The following PHKB variants were observed in gnomAD, a reference collection of about 807,000 sequenced individuals.
PHKB encodes the protein phosphorylase kinase regulatory subunit beta, also known as phosphorylase b kinase regulatory subunit beta.
In PHKB, 122 loss-of-function variants were observed where a neutral mutation model predicts 152.1. The ratio of observed to expected loss-of-function variants is 0.80; its 90% CI spans 0.69 to 0.93. The LOEUF is 0.93. PHKB is among the 40% of genes least tolerant of loss of function. PHKB has a pLI of 0.00. For synonymous variants in PHKB, 436 were observed against 464.9 expected (o/e 0.94, Z 0.80); for missense variants, 1,304 against 1,328.4 (o/e 0.98, Z 0.29).
intron 1 of PHKB, among the ~76,000 whole-genome samples, chr16:47,492,638 G>A (rs1970169335): frequency 6.6e-6 from 1 of 152,162 alleles, no homozygotes; most frequent in Admixed American, 6.5e-5. Context: ...GCAGGGAGGG[G>A]AGGGTGGCGG....
chr16:47,576,172 T>C (rs1971746497), intron 7 of PHKB, among the ~76,000 whole-genome samples: 1 of 152,192 alleles, frequency 6.6e-6, no homozygotes, highest in South Asian at 2.1e-4. Flanking sequence ...TTGTGCCCCT[T>C]AAATTTTTAT....
intron 6 of PHKB, among the ~76,000 whole-genome samples, chr16:47,522,941 A>G (rs993317049): frequency 4.2e-5 from 6 of 144,304 alleles, no homozygotes; most frequent in Non-Finnish European, 7.6e-5. Flanking sequence ...GGTTATTCAC[A>G]TTATTGCCTT....
intron 10 of PHKB, among the ~76,000 whole-genome samples, chr16:47,592,008 A>G (rs1258534354): frequency 1.3e-5 from 2 of 152,168 alleles, no homozygotes; most frequent in Non-Finnish European, 2.9e-5. Context: ...TTATCACAAT[A>G]TAGTAGGTAC....
At chr16:47,504,971 A>G (rs1597037712) in intron 4 of PHKB, among the ~76,000 whole-genome samples, 1 of 152,236 alleles carries the variant, frequency 6.6e-6, no homozygotes, top group Admixed American at 6.5e-5. Context: ...GGAGGAAACT[A>G]GTGGAAGTCC....
chr16:47,511,734 G>A lies in PHKB; in HGVS notation c.475G>A (p.Asp159Asn). ...LHSVFNVHTG[D>N]ELLSYEEYGH... ...CTCTGTTTTCAATGTGCATACAGGAGATGAGTTGCTTTCCTATGAGGAATA... is the reference window on the plus strand; with the variant it reads ...CTCTGTTTTCAATGTGCATACAGGAAATGAGTTGCTTTCCTATGAGGAATA... The change falls in exon 5 of 31, where the codon GAT (aspartate) becomes AAT (asparagine). Residue 159 changes from aspartate to asparagine, a missense_variant. By Grantham distance (23) the Asp-to-Asn change is conservative. Transcript: ENST00000323584. The A allele has an allele frequency of 6.2e-7, 1 of 1,611,322 alleles. No individual in the cohort carries two copies. The highest frequency in any genetic ancestry group is 1.1e-5 in the South Asian group (1 of 91,020).
At chr16:47,548,433 C>A (rs868748188) in intron 7 of PHKB, among the ~76,000 whole-genome samples, 2 of 151,676 alleles carry the variant, frequency 1.3e-5, no homozygotes, top group African/African-American at 4.9e-5. Context: ...ATGGTGAAAC[C>A]CTGTCTTTAC....
At chr16:47,544,114 T>G (rs916541207) in intron 6 of PHKB, among the ~76,000 whole-genome samples, 1 of 152,180 alleles carries the variant, frequency 6.6e-6, no homozygotes, top group African/African-American at 2.4e-5. Flanking sequence ...CTTAGTTATT[T>G]ATTGCCTTCT....
chr16:47,681,861 T>A (rs983763304), intron 26 of PHKB, among the ~76,000 whole-genome samples: 18 of 152,206 alleles, frequency 1.2e-4, no homozygotes, highest in Non-Finnish European at 2.6e-4. Flanking sequence ...GTTTCTTCCT[T>A]GCCTTGATGG....
At chr16:47,518,281 C>G (rs757864642) in intron 6 of PHKB, among the ~76,000 whole-genome samples, 2 of 152,230 alleles carry the variant, frequency 1.3e-5, no homozygotes, top group Non-Finnish European at 2.9e-5. Flanking sequence ...CACACACACA[C>G]ACATACACAT....
chr16:47,576,284 G>A (rs1971748304), intron 7 of PHKB, among the ~76,000 whole-genome samples: 1 of 152,098 alleles, frequency 6.6e-6, no homozygotes, highest in Admixed American at 6.5e-5. Context: ...TTTGTTTGAT[G>A]CATTTTCTGC....
In PHKB at chr16:47,586,874, T is replaced by G. The variant is rs181708420; in HGVS notation, c.775-794T>G. On this transcript the variant is annotated intron_variant, in intron 8 of 30. Coordinates refer to ENST00000323584, the MANE Select transcript of PHKB (RefSeq NM_000293.3). ...TAGCAGATAGATTAAGATTTTCTGT[T>G]ACACCTATTTGTTTCATTCAAGCTT... is the stretch of plus-strand genomic sequence containing the variant. Among the ~76,000 whole-genome samples, 5 of 152,304 alleles carry G rather than the reference T, an allele frequency of 3.3e-5. No individual in the cohort carries two copies. In the East Asian group the frequency reaches 9.6e-4, roughly 29 times the overall value.
chr16:47,586,128 C>T (rs1971931076), intron 8 of PHKB, among the ~76,000 whole-genome samples: 1 of 152,170 alleles, frequency 6.6e-6, no homozygotes, highest in South Asian at 2.1e-4. Flanking sequence ...TCCCTGGGGA[C>T]TTGTTTTATA....
intron 16 of PHKB, among the ~76,000 whole-genome samples, chr16:47,643,262 CAT>C (rs1310693549): frequency 6.6e-6 from 1 of 152,162 alleles, no homozygotes; most frequent in Non-Finnish European, 1.5e-5. Flanking sequence ...GTAGGACACT[CAT>C]ATGAAATGAC....
At chr16:47,468,216 A>G (rs181532303) in intron 1 of PHKB, among the ~76,000 whole-genome samples, 30 of 152,268 alleles carry the variant, frequency 2.0e-4, no homozygotes, top group African/African-American at 6.5e-4. Context: ...GGTCCACACT[A>G]CAGAAATAGC....
rs754835322 is a variant in PHKB at position 47,499,834 on chromosome 16, C to G, written c.245C>G (p.Ala82Gly). Residue 82 changes from alanine to glycine, a missense_variant, in exon 3 of 31, where the codon GCC becomes GGC. By Grantham distance (60) the Ala-to-Gly change is moderately conservative. Coordinates refer to ENST00000323584, the MANE Select transcript of PHKB (RefSeq NM_000293.3). The part of the protein sequence containing the change: ...PTKTCGGDQK[A>G]KIQDSLYCAA... ...AAAACATGCGGTGGTGACCAGAAGG[C>G]CAAGATCCAGGACAGCCTATACTGC... 9 of 1,614,044 alleles carry G rather than the reference C, an allele frequency of 5.6e-6. No individual in the cohort carries two copies. The East Asian group carries it at 1.3e-4, about 24-fold the overall frequency.
At chr16:47,536,787 C>T (rs1260656117) in intron 6 of PHKB, among the ~76,000 whole-genome samples, 1 of 152,008 alleles carries the variant, frequency 6.6e-6, no homozygotes, top group Admixed American at 6.6e-5. Flanking sequence ...GATGGTAGAC[C>T]TGTGTACTAG....
intron 20 of PHKB, 50 bp downstream of exon 20, chr16:47,650,971 C>A: frequency 8.2e-7 from 1 of 1,218,630 alleles, no homozygotes; most frequent in Non-Finnish European, 1.2e-6. Context: ...AGTTAATCTA[C>A]AATACAGCTA....
At chr16:47,532,791 G>A (rs1044821216) in intron 6 of PHKB, among the ~76,000 whole-genome samples, 1 of 152,268 alleles carries the variant, frequency 6.6e-6, no homozygotes, top group East Asian at 1.9e-4. Context: ...CCACAATGTG[G>A]CAGGCAAGGG....
intron 13 of PHKB, among the ~76,000 whole-genome samples, chr16:47,609,552 T>TG (rs1972388601): frequency 7.1e-6 from 1 of 140,638 alleles, no homozygotes; most frequent in African/African-American, 3.2e-5. Flanking sequence ...TGTGTGTGTG[T>TG]TTGTGTGTGT....
Sources: gnomAD v4.1 joint callset for allele counts (sites outside exome capture counted in the v4.1 genomes callset) on GRCh38, gnomAD v4.1.1 for gene constraint, MANE v1.5 for transcripts, NCBI Gene and HGNC (gene_info 2026-07-23, HGNC 2026-07-21) for gene names.